The following PATJ variants were observed in gnomAD, a reference collection of about 807,000 sequenced individuals.
PATJ encodes the protein inaD-like protein.
PATJ carries 190 observed loss-of-function variants against 224.9 expected under a neutral mutation model. The observed-to-expected ratio is 0.84, with a 90% CI of 0.75 to 0.95. PATJ has a LOEUF of 0.95. Ranked by LOEUF, PATJ falls within the 40% of genes least tolerant of loss-of-function variation. The pLI is 0.00. For synonymous variants in PATJ, 769 were observed against 820.3 expected (o/e 0.94, Z 1.07); for missense variants, 2,121 against 2,270.3 (o/e 0.93, Z 1.34).
intron 1 of PATJ, among the ~76,000 whole-genome samples, chr1:61,749,065 C>A (rs1570227973): frequency 6.6e-6 from 1 of 151,844 alleles, no homozygotes. Context: ...CAACCTCCAT[C>A]TCCTGGGTTC....
In PATJ at chr1:61,969,700, TTTTG is replaced by T. The variant is rs1420076727; in HGVS notation, c.3671-20459_3671-20456del. 2.0e-5 allele frequency among the ~76,000 whole-genome samples: 3 copies of T among 152,100 alleles called. 1 individual carries two copies. Among genetic ancestry groups the T allele is most frequent in the Non-Finnish European group, 1.5e-5 (1 of 68,014 alleles). ...TTTACTGTTTTGATTGTGTACTTTG[TTTTG>T]TTTGTTTGAGACACAGCCTCCCTCT... On this transcript the variant is annotated intron_variant, in intron 27 of 43. Transcript: ENST00000642238.
intron 28 of PATJ, among the ~76,000 whole-genome samples, chr1:61,995,381 C>A (rs2149572984): frequency 6.6e-6 from 1 of 152,248 alleles, no homozygotes; most frequent in South Asian, 2.1e-4. Flanking sequence ...TCACAGCCTC[C>A]TTTTAGTTAT....
chr1:62,143,323 AAGG>A (rs1326915269), intron 41 of PATJ, among the ~76,000 whole-genome samples: 2 of 152,056 alleles, frequency 1.3e-5, no homozygotes, highest in African/African-American at 4.8e-5. Context: ...AAGTGAATTG[AAGG>A]AGATGAATTG....
chr1:61,751,617 G>A (rs1390544417), intron 1 of PATJ, among the ~76,000 whole-genome samples: 2 of 151,924 alleles, frequency 1.3e-5, no homozygotes, highest in African/African-American at 2.4e-5. Flanking sequence ...TCTGAGGACA[G>A]GAGTGTAAGA....
At position 62,161,823 on chromosome 1, in the gene PATJ, T is replaced by G. The variant is rs557174176; in HGVS notation, c.*769T>G. The stretch of plus-strand genomic sequence containing the variant: ...TGTCATCTCACTCATGATTTACTTA[T>G]GCTAATTGTCTCTTCAAGTAAGCAA... On this transcript the variant is annotated 3_prime_UTR_variant, in exon 44 of 44. Transcript: ENST00000642238. 2 of 152,370 alleles carry G rather than the reference T, an allele frequency of 1.3e-5. No homozygotes were observed. Among genetic ancestry groups the G allele is most frequent in the Admixed American group, 1.3e-4 (2 of 15,296 alleles). 9.4% of individuals were successfully genotyped at this position (152,370 alleles called of 1,614,324 possible). A position where few individuals can be genotyped will look rare whatever the true frequency, so the allele number is the denominator to read the frequency against.
chr1:61,969,892 C>G (rs1028434577), intron 27 of PATJ, among the ~76,000 whole-genome samples: 1 of 152,068 alleles, frequency 6.6e-6, no homozygotes, highest in African/African-American at 2.4e-5. Flanking sequence ...TGGGGTTTCA[C>G]CATGTTGGCC....
chr1:62,122,781 G>A (rs1297089801), intron 38 of PATJ, among the ~76,000 whole-genome samples: 1 of 150,648 alleles, frequency 6.6e-6, no homozygotes, highest in East Asian at 2.0e-4. Flanking sequence ...CTGAGATGGT[G>A]CCACTGCACT....
At chr1:61,861,405 C>T in intron 18 of PATJ, 146 bp from the exon 19 acceptor site, 1 of 397,590 alleles carries the variant, frequency 2.5e-6, no homozygotes, top group Non-Finnish European at 4.6e-6. Flanking sequence ...TATATGTGTG[C>T]ATTGGTGATT....
At chr1:61,846,332 G>T (rs1454197917) in intron 17 of PATJ, among the ~76,000 whole-genome samples, 1 of 152,118 alleles carries the variant, frequency 6.6e-6, no homozygotes, top group Non-Finnish European at 1.5e-5. Flanking sequence ...CTTAGGTTAA[G>T]TTGACAGTGA....
At chr1:62,100,260 A>G (rs1043136420) in intron 33 of PATJ, 12 of 654,416 alleles carry the variant, frequency 1.8e-5, no homozygotes, top group East Asian at 5.5e-5. Flanking sequence ...TTCTGCTGCT[A>G]TAACAGAATA....
intron 27 of PATJ, chr1:61,952,000 G>A (rs1679751632): frequency 5.2e-6 from 1 of 193,822 alleles, no homozygotes; most frequent in East Asian, 1.2e-4. Context: ...AGGTTATAAT[G>A]CCTCCTGTTC....
intron 28 of PATJ, among the ~76,000 whole-genome samples, chr1:61,995,770 G>A (rs1403744195): frequency 1.3e-5 from 2 of 152,230 alleles, no homozygotes; most frequent in African/African-American, 4.8e-5. Flanking sequence ...GGACTGGAAT[G>A]AGACTTATGC....
At chr1:62,154,833 T>C (rs1454103726) in intron 43 of PATJ, among the ~76,000 whole-genome samples, 1 of 152,190 alleles carries the variant, frequency 6.6e-6, no homozygotes, top group Non-Finnish European at 1.5e-5. Flanking sequence ...AACCCTTTAG[T>C]CATTTGGCAT....
At chr1:61,998,900 G>A (rs1162181978) in intron 28 of PATJ, among the ~76,000 whole-genome samples, 1 of 152,014 alleles carries the variant, frequency 6.6e-6, no homozygotes, top group East Asian at 1.9e-4. Flanking sequence ...AAATATTGAG[G>A]CCAAAAATCC....
chr1:62,002,697 G>T (rs373313586), intron 28 of PATJ, among the ~76,000 whole-genome samples: 1 of 118,796 alleles, frequency 8.4e-6, no homozygotes, highest in South Asian at 2.8e-4. Context: ...CAACAAGAGC[G>T]AAACTCTGTC....
rs140315585 is a variant in PATJ at position 61,993,016 on chromosome 1, A to G, written c.3867+2652A>G. On this transcript the variant is annotated intron_variant, in intron 28 of 43. Transcript: ENST00000642238. ...ATTGAGTATCCTATGATTCAATTCA[A>G]TTCTGACACTAGGTACCTGGAGACA... Among the ~76,000 whole-genome samples, 106 of 152,302 alleles carry G rather than the reference A, an allele frequency of 7.0e-4. 1 individual carries two copies. The highest frequency in any genetic ancestry group is 2.3e-3 in the African/African-American group (97 of 41,574).
chr1:62,003,636 A>G (rs1463119309), intron 28 of PATJ, among the ~76,000 whole-genome samples: 1 of 152,032 alleles, frequency 6.6e-6, no homozygotes, highest in Non-Finnish European at 1.5e-5. Flanking sequence ...GTTGTACACT[A>G]TTTTGTCTTT....
chr1:61,811,992 C>T (rs895093007), intron 14 of PATJ, among the ~76,000 whole-genome samples: 37 of 151,446 alleles, frequency 2.4e-4, no homozygotes, highest in East Asian at 1.2e-3. Context: ...ACCCGGGAGG[C>T]GGAGCTTGCA....
At chr1:61,887,669 T>TGA in intron 22 of PATJ, among the ~76,000 whole-genome samples, 1 of 152,140 alleles carries the variant, frequency 6.6e-6, no homozygotes, top group East Asian at 1.9e-4. Flanking sequence ...TGTGGATAGT[T>TGA]TTGTTTATAA....
Sources: gnomAD v4.1 joint callset for allele counts (sites outside exome capture counted in the v4.1 genomes callset) on GRCh38, gnomAD v4.1.1 for gene constraint, MANE v1.5 for transcripts, NCBI Gene and HGNC (gene_info 2026-07-23, HGNC 2026-07-21) for gene names.